The following RHPN2 variants were observed in gnomAD, a reference collection of about 807,000 sequenced individuals.
RHPN2 encodes the protein rhophilin Rho GTPase binding protein 2, also known as rhophilin-2.
A neutral mutation model predicts 79.0 loss-of-function variants in RHPN2; 40 were observed. The ratio of observed to expected loss-of-function variants is 0.51; its 90% CI spans 0.39 to 0.66. RHPN2 has a LOEUF of 0.66. RHPN2 is among the 30% of genes least tolerant of loss of function. The probability of loss-of-function intolerance (pLI) is 0.00; values close to 1 mark genes in which losing one functional copy is unlikely to be tolerated. For missense variants in RHPN2, 686 were observed against 883.5 expected, an observed-to-expected ratio of 0.78 and a Z score of 2.83; for synonymous variants, 285 against 363.5, an observed-to-expected ratio of 0.78 and a Z score of 2.46.
At position 33,064,811 on chromosome 19, in the gene RHPN2, C is replaced by T; in HGVS notation, c.42G>A (p.Glu14=). 7.1e-7 allele frequency: 1 copy of T among 1,402,314 alleles called. No individual in the cohort carries two copies. The highest frequency in any genetic ancestry group is 9.4e-7 in the Non-Finnish European group (1 of 1,067,624). 86.9% of individuals were successfully genotyped at this position (1,402,314 alleles called of 1,614,324 possible). ...TCCGAAAGTAGCCGTCGTTCTCCTT[C>T]TCCAGCGGCTGGGGGGCCGCGGGCA... ...ALLPAAPQPL[E]KENDGYFRKG... is the part of the protein sequence containing the mutation. Residue 14 remains glutamate, a synonymous_variant, in exon 1 of 15, where the codon GAG becomes GAA. Coordinates refer to ENST00000254260, the MANE Select transcript of RHPN2 (RefSeq NM_033103.5).
intron 1 of RHPN2, among the ~76,000 whole-genome samples, chr19:33,049,236 C>T (rs894416532): frequency 6.6e-6 from 1 of 152,188 alleles, no homozygotes; most frequent in African/African-American, 2.4e-5. Context: ...GAAAGACTCC[C>T]TGGCATCACC....
chr19:33,038,511 C>T (rs183066657), intron 2 of RHPN2, among the ~76,000 whole-genome samples: 8 of 152,176 alleles, frequency 5.3e-5, no homozygotes, highest in East Asian at 1.9e-4. Flanking sequence ...TATTTTGAGA[C>T]GGAGTCTCGC....
intron 2 of RHPN2, among the ~76,000 whole-genome samples, chr19:33,029,812 G>C (rs1287985436): frequency 6.6e-6 from 1 of 152,154 alleles, no homozygotes; most frequent in Non-Finnish European, 1.5e-5. Flanking sequence ...GGCACATGGG[G>C]TGAAATTGGG....
At chr19:33,011,858 C>T in intron 5 of RHPN2, 55 bp from the exon 6 acceptor site, 2 of 1,612,990 alleles carry the variant, frequency 1.2e-6, no homozygotes, top group South Asian at 1.1e-5. Context: ...AGCTGATGGC[C>T]CTTCCCAGAA....
chr19:33,034,654 C>T (rs372988729), intron 2 of RHPN2, among the ~76,000 whole-genome samples: 42 of 149,528 alleles, frequency 2.8e-4, no homozygotes, highest in African/African-American at 1.0e-3. Flanking sequence ...GGTGGCACAC[C>T]CCTGTAGTCC....
chr19:33,023,653 C>T (rs895321729), intron 3 of RHPN2, among the ~76,000 whole-genome samples: 3 of 150,976 alleles, frequency 2.0e-5, no homozygotes, highest in Admixed American at 6.6e-5. Context: ...GGCAAGGTGG[C>T]GGGCGCCTTT....
At chr19:33,055,075 GGGCTGGGT>G (rs764158025) in intron 1 of RHPN2, among the ~76,000 whole-genome samples, 2 of 152,160 alleles carry the variant, frequency 1.3e-5, no homozygotes, top group African/African-American at 2.4e-5. Context: ...ATCTGGCTTA[GGGCTGGGT>G]GCAGTGATTC....
chr19:32,996,176 C>T lies in RHPN2; in HGVS notation c.1270G>A (p.Val424Met). 1 of 1,614,172 alleles carries T rather than the reference C, an allele frequency of 6.2e-7. No individual in the cohort carries two copies. Residue 424 changes from valine (V) to methionine (M), a missense_variant, in exon 11 of 15, where the codon GTG (valine) becomes ATG (methionine). By Grantham distance (21) the Val-to-Met change is conservative (BLOSUM62 1). Coordinates refer to ENST00000254260, the MANE Select transcript of RHPN2 (RefSeq NM_033103.5). Reference sequence around the variant, plus strand: ...TTCTTGCAGAGGCTGGCCTCCCGCACCGACTCCTCGTGATGAGCCATGGCT... The same window carrying T: ...TTCTTGCAGAGGCTGGCCTCCCGCATCGACTCCTCGTGATGAGCCATGGCT... ...RRAMAHHEES[V>M]REASLCKKLR...
intron 2 of RHPN2, among the ~76,000 whole-genome samples, chr19:33,037,601 G>A (rs1599829452): frequency 1.3e-5 from 2 of 151,838 alleles, no homozygotes; most frequent in East Asian, 1.9e-4. Context: ...CAAACCCACC[G>A]GGAGGAAGGA....
At chr19:33,009,106 G>A (rs951617008) in intron 6 of RHPN2, among the ~76,000 whole-genome samples, 2 of 152,058 alleles carry the variant, frequency 1.3e-5, no homozygotes, top group South Asian at 2.1e-4. Context: ...CAGGACTTAG[G>A]GGGAGGGAGG....
chr19:32,990,805 A>G (rs1156262658), intron 13 of RHPN2, 136 bp from the exon 14 acceptor site: 41 of 853,440 alleles, frequency 4.8e-5, no homozygotes, highest in Non-Finnish European at 7.6e-5. Flanking sequence ...TGAGACGGGT[A>G]GATCACTTGA....
intron 14 of RHPN2, among the ~76,000 whole-genome samples, chr19:32,983,381 G>A (rs1180700864): frequency 2.6e-5 from 4 of 151,724 alleles, no homozygotes; most frequent in South Asian, 2.1e-4. Flanking sequence ...GCGTGGTGGC[G>A]GGCACCTGTA....
intron 3 of RHPN2, among the ~76,000 whole-genome samples, chr19:33,023,449 A>G (rs1219435948): frequency 4.7e-5 from 7 of 148,774 alleles, no homozygotes; most frequent in Non-Finnish European, 7.4e-5. Context: ...AAAAAAAAAA[A>G]AAAGAAAAAA....
At position 33,056,304 on chromosome 19, in the gene RHPN2, G is replaced by T. The variant is rs181397931; in HGVS notation, c.69+8480C>A. Reference sequence around the variant, plus strand: ...ATTTTGTATTTTCAGTAGAGACGGGGTTTCTCCATGTTGGTCAGGCTGGTC... The same window carrying T: ...ATTTTGTATTTTCAGTAGAGACGGGTTTTCTCCATGTTGGTCAGGCTGGTC... On this transcript the variant is annotated intron_variant, in intron 1 of 14. Transcript: ENST00000254260. 3.2e-3 allele frequency among the ~76,000 whole-genome samples: 488 copies of T among 151,796 alleles called. 4 individuals carry two copies. The highest frequency in any genetic ancestry group is 0.011 in the African/African-American group (460 of 41,416).
chr19:33,032,016 C>CTTTTTTTTTTT (rs34807523), intron 2 of RHPN2, among the ~76,000 whole-genome samples: 1 of 91,390 alleles, frequency 1.1e-5, no homozygotes, highest in South Asian at 3.6e-4. Context: ...CCGGGCCGGT[C>CTTTTTTTTTTT]TTTTTTTTTT....
At chr19:33,045,120 C>T (rs1451872342) in intron 1 of RHPN2, among the ~76,000 whole-genome samples, 5 of 149,080 alleles carry the variant, frequency 3.4e-5, no homozygotes, top group East Asian at 2.0e-4. Context: ...GGCGCGATCT[C>T]GGCTCACTGC....
intron 1 of RHPN2, among the ~76,000 whole-genome samples, chr19:33,059,120 T>C (rs977438077): frequency 3.3e-5 from 5 of 151,350 alleles, no homozygotes; most frequent in African/African-American, 9.7e-5. Flanking sequence ...TAATACAAGA[T>C]GGGAAGCCTC....
intron 2 of RHPN2, among the ~76,000 whole-genome samples, chr19:33,033,532 C>T (rs1010902602): frequency 1.3e-5 from 2 of 152,098 alleles, no homozygotes; most frequent in African/African-American, 4.8e-5. Flanking sequence ...CGCCACTGCA[C>T]TCCAGCCTGG....
At chr19:33,013,496 C>T (rs1971853795) in intron 4 of RHPN2, among the ~76,000 whole-genome samples, 1 of 152,086 alleles carries the variant, frequency 6.6e-6, no homozygotes. Context: ...CAACACACGC[C>T]TATGTTTTTA....
Sources: gnomAD v4.1 joint callset for allele counts (sites outside exome capture counted in the v4.1 genomes callset) on GRCh38, gnomAD v4.1.1 for gene constraint, MANE v1.5 for transcripts, NCBI Gene and HGNC (gene_info 2026-07-23, HGNC 2026-07-21) for gene names.